The following ATG2B variants were observed in gnomAD, a reference collection of about 807,000 sequenced individuals.
ATG2B encodes the protein autophagy-related protein 2 homolog B.
A neutral mutation model predicts 241.3 loss-of-function variants in ATG2B; 121 were observed. The observed-to-expected ratio is 0.50, with a 90% CI of 0.43 to 0.58. ATG2B has a LOEUF of 0.58. Ranked by LOEUF, ATG2B falls within the 20% of genes least tolerant of loss-of-function variation. The probability of loss-of-function intolerance (pLI) is 0.00; values close to 1 mark genes in which losing one functional copy is unlikely to be tolerated. For synonymous variants in ATG2B, 858 were observed against 876.6 expected (o/e 0.98, Z 0.37); for missense variants, 2,306 against 2,491.6 (o/e 0.93, Z 1.59).
chr14:96,344,780 A>T (rs1566733353), intron 3 of ATG2B, 24 bp from the exon 4 acceptor site: 1 of 1,123,852 alleles, frequency 8.9e-7, no homozygotes, highest in Non-Finnish European at 1.3e-6. Flanking sequence ...GTAATTGTCA[A>T]CGTAAGAGAC....
intron 1 of ATG2B, among the ~76,000 whole-genome samples, chr14:96,357,719 T>TA (rs1329783609): frequency 1.3e-5 from 2 of 151,986 alleles, no homozygotes; most frequent in African/African-American, 2.4e-5. Flanking sequence ...CACATTCCAT[T>TA]AAAAAAATGG....
intron 1 of ATG2B, among the ~76,000 whole-genome samples, chr14:96,351,809 G>A (rs1194381233): frequency 6.6e-6 from 1 of 150,920 alleles, no homozygotes; most frequent in Admixed American, 6.6e-5. Flanking sequence ...GCTAAGGTGG[G>A]GATAATCGCT....
At chr14:96,308,262 ATATATATATATATATATATATT>A (rs2139854710) in intron 29 of ATG2B, among the ~76,000 whole-genome samples, 1 of 13,150 alleles carries the variant, frequency 7.6e-5, no homozygotes, top group African/African-American at 3.8e-4. Context: ...ACACACATAT[ATATATATATATATATATATATT>A]TTTTTTTTTT....
chr14:96,290,323 A>G lies in ATG2B; in HGVS notation c.5856+113T>C, dbSNP rs987228532. 1 of 1,372,388 alleles carries G rather than the reference A, an allele frequency of 7.3e-7. No individual in the cohort carries two copies. The highest frequency in any genetic ancestry group is 1.4e-5 in the African/African-American group (1 of 69,170). The allele number at this position is 1,372,388 out of a possible 1,614,324, so 85.0% of individuals were successfully genotyped here. A position where few individuals can be genotyped will look rare whatever the true frequency, so the allele number is the denominator to read the frequency against. ...CATGACATTAAATCACTACGAATAA[A>G]GTATCTACTCACAACATTTTGTATA... On this transcript the variant is annotated intron_variant, in intron 40 of 41. Transcript: ENST00000359933. The surrounding 1 kb of genome is among the most constrained non-coding windows in gnomAD (Gnocchi z 4.4).
Position 96,317,837 on chromosome 14 carries a change from T to C in ATG2B, c.2898A>G (p.Leu966=), listed in dbSNP as rs763635885. 2.9e-5 allele frequency: 46 copies of C among 1,608,976 alleles called. No homozygotes were observed. Among genetic ancestry groups the C allele is most frequent in the Admixed American group, 2.4e-4 (14 of 59,502 alleles). ...KLYNRIFNDL[L]LWEPTAPSPV... is the part of the protein sequence containing the mutation. ...GTGAAGGAGCTGTTGGTTCCCACAG[T>C]AGCAAGTCATTAAAGATCCTATAAA... Residue 966 remains leucine, a synonymous_variant, in exon 19 of 42, where the codon CTA becomes CTG. Coordinates refer to ENST00000359933, the MANE Select transcript of ATG2B (RefSeq NM_018036.7).
intron 28 of ATG2B, among the ~76,000 whole-genome samples, 182 bp from the exon 29 acceptor site, chr14:96,309,776 T>C (rs1887099509): frequency 6.6e-6 from 1 of 152,132 alleles, no homozygotes; most frequent in Non-Finnish European, 1.5e-5. Context: ...CCCTAACAAA[T>C]ACTGGCAAAG....
intron 35 of ATG2B, 106 bp downstream of exon 35, chr14:96,295,376 T>C: frequency 1.2e-6 from 1 of 867,858 alleles, no homozygotes; most frequent in Non-Finnish European, 1.8e-6. Context: ...AACACATTTA[T>C]GTAAGTGGGA....
chr14:96,291,650 A>G lies in ATG2B; in HGVS notation c.5529T>C (p.Ala1843=), dbSNP rs1220791318. 6.2e-7 allele frequency: 1 copy of G among 1,608,698 alleles called. No individual in the cohort carries two copies. The highest frequency in any genetic ancestry group is 1.7e-5 in the Admixed American group (1 of 59,882). ...GTLAGILIGL[A]QLNCSELKLK... Reference sequence around the variant, plus strand: ...GCTTTAGTTCAGAGCAGTTTAACTGAGCCAGACCAATCAAAATCCCAGCTA... The same window carrying G: ...GCTTTAGTTCAGAGCAGTTTAACTGGGCCAGACCAATCAAAATCCCAGCTA... Residue 1843 remains alanine (A), a synonymous_variant, in exon 38 of 42, where the codon GCT becomes GCC. Coordinates refer to ENST00000359933, the MANE Select transcript of ATG2B (RefSeq NM_018036.7).
chr14:96,307,938 T>C (rs1163709725), intron 29 of ATG2B, among the ~76,000 whole-genome samples: 1 of 151,836 alleles, frequency 6.6e-6, no homozygotes, highest in African/African-American at 2.4e-5. Flanking sequence ...AACACTGTGA[T>C]GAGGCTGAGA....
Position 96,363,100 on chromosome 14 carries a change from G to A in ATG2B, c.-124C>T. On this transcript the variant is annotated 5_prime_UTR_variant, in exon 1 of 42. Coordinates refer to ENST00000359933, the MANE Select transcript of ATG2B (RefSeq NM_018036.7). The stretch of plus-strand genomic sequence containing the variant: ...TGGGGCGGCCCCTCCATCCCTATTT[G>A]GTGCCGGGAGTCCCTCAGGGAGACC... The A allele has an allele frequency of 1.8e-6, 2 of 1,104,924 alleles. No individual in the cohort carries two copies. The highest frequency in any genetic ancestry group is 1.3e-5 in the South Asian group (1 of 75,868). 68.4% of individuals were successfully genotyped at this position (1,104,924 alleles called of 1,614,324 possible).
chr14:96,308,255 C>CATATATAT (rs1162236859), intron 29 of ATG2B, among the ~76,000 whole-genome samples: 2 of 29,372 alleles, frequency 6.8e-5, no homozygotes, highest in African/African-American at 1.4e-4. Context: ...TATATATACA[C>CATATATAT]ACATATATAT....
rs1440173342 is a variant in ATG2B at position 96,285,172 on chromosome 14, C to G, written c.*583G>C. ...AAACACAGGATAAAGTGCAACACAACAGAACATGTCTGCAACATTCACTTT... is the reference window on the plus strand; with the variant it reads ...AAACACAGGATAAAGTGCAACACAAGAGAACATGTCTGCAACATTCACTTT... On this transcript the variant is annotated 3_prime_UTR_variant, in exon 42 of 42. Transcript: ENST00000359933. The surrounding 1 kb of genome is among the most constrained non-coding windows in gnomAD (Gnocchi z 4.2). The G allele has an allele frequency of 6.5e-6, 1 of 153,080 alleles. No individual in the cohort carries two copies. The highest frequency in any genetic ancestry group is 1.5e-5 in the Non-Finnish European group (1 of 68,642). 9.5% of individuals were successfully genotyped at this position (153,080 alleles called of 1,614,324 possible).
chr14:96,290,494 C>T lies in ATG2B; in HGVS notation c.5798G>A (p.Gly1933Asp). 6.2e-7 allele frequency: 1 copy of T among 1,614,166 alleles called. No homozygotes were observed. The highest frequency in any genetic ancestry group is 1.1e-5 in the South Asian group (1 of 91,086). ...TAGAGCAGCCATCGCTGTCGAGGTA[C>T]CAAAGGAAGCAGCGCCTCTCTGAAA... Reference protein sequence around the residue: ...RGFQRGAASFGTSTAMAALEL... With the variant: ...RGFQRGAASFDTSTAMAALEL... The change falls in exon 40 of 42, where the codon GGT (glycine) becomes GAT (aspartate). Residue 1933 changes from glycine (G) to aspartate (D), a missense_variant. This residue lies in a region of ATG2B where 379 missense variants were observed against 480.4 expected (regional missense o/e 0.79). Transcript: ENST00000359933. The surrounding 1 kb of genome is among the most constrained non-coding windows in gnomAD (Gnocchi z 4.4).
At chr14:96,287,483 C>T (rs1255771178) in intron 41 of ATG2B, among the ~76,000 whole-genome samples, 1 of 152,174 alleles carries the variant, frequency 6.6e-6, no homozygotes, top group African/African-American at 2.4e-5. Context: ...ACCACCACTA[C>T]GTTTGCGGAC....
chr14:96,337,888 C>T lies in ATG2B; in HGVS notation c.925-3387G>A, dbSNP rs561245176. The stretch of plus-strand genomic sequence containing the variant: ...GCAGTATGGTCATTTTCACAAAATG[C>T]ATTATTTCCATCCATGAGTATGGGA... On this transcript the variant is annotated intron_variant, in intron 6 of 41. Transcript: ENST00000359933. 3.3e-4 allele frequency among the ~76,000 whole-genome samples: 50 copies of T among 152,120 alleles called. No individual in the cohort carries two copies. In the South Asian group the frequency reaches 8.7e-3, roughly 26 times the overall value.
At chr14:96,327,438 GA>G (rs1887614839) in intron 14 of ATG2B, among the ~76,000 whole-genome samples, 1 of 152,066 alleles carries the variant, frequency 6.6e-6, no homozygotes, top group Admixed American at 6.6e-5. Context: ...AATTTGCTTA[GA>G]AAAGACCCCA....
At position 96,304,593 on chromosome 14, in the gene ATG2B, T is replaced by C. The variant is rs200685834; in HGVS notation, c.4744A>G (p.Ser1582Gly). The C allele has an allele frequency of 3.4e-5, 54 of 1,594,014 alleles. No homozygotes were observed. In the East Asian group the frequency reaches 9.9e-4, roughly 29 times the overall value. The change falls in exon 32 of 42, where the codon AGT becomes GGT. Residue 1582 changes from serine (S) to glycine (G), a missense_variant. Physicochemically the swap from Ser to Gly is moderately conservative, Grantham distance 56. Coordinates refer to ENST00000359933, the MANE Select transcript of ATG2B (RefSeq NM_018036.7). ...CTCGTGGGTGTGTGAGAAGGCGAAC[T>C]GTGGGGACTACTAAAAATGAGCAAA... is the stretch of plus-strand genomic sequence containing the variant. Reference protein sequence around the residue: ...SPAKSYISPHSSPSHTPTRHG... With the variant: ...SPAKSYISPHGSPSHTPTRHG...
rs753551587 is a variant in ATG2B at position 96,291,602 on chromosome 14, A to G, written c.5577T>C (p.His1859=). ...CTTCATATAATAAATTCACTTACCC[A>G]TGTCGATAGGAAAGCCTCTTGAGCT... ...ELKLKRLSYR[H]GLLGVDKLFS... Residue 1859 remains histidine (H), a splice_region_variant and synonymous_variant, in exon 38 of 42, where the codon CAT becomes CAC. Coordinates refer to ENST00000359933, the MANE Select transcript of ATG2B (RefSeq NM_018036.7). 1.3e-6 allele frequency: 2 copies of G among 1,596,658 alleles called. No homozygotes were observed. Among genetic ancestry groups the G allele is most frequent in the South Asian group, 2.3e-5 (2 of 88,560 alleles).
At chr14:96,355,424 G>T (rs1158762717) in intron 1 of ATG2B, among the ~76,000 whole-genome samples, 1 of 152,146 alleles carries the variant, frequency 6.6e-6, no homozygotes, top group Non-Finnish European at 1.5e-5. Flanking sequence ...GTTTGTCAAA[G>T]ATCAGATAGT....
Sources: gnomAD v4.1 joint callset for allele counts (sites outside exome capture counted in the v4.1 genomes callset) on GRCh38, gnomAD v4.1.1 for gene constraint, gnomAD v4.1.1 regional missense constraint, Gnocchi (gnomAD v3.1) non-coding constraint, MANE v1.5 for transcripts, NCBI Gene and HGNC (gene_info 2026-07-23, HGNC 2026-07-21) for gene names.